Variants in PROCA1 observed in about 807,000 individuals in gnomAD.
PROCA1 encodes the protein protein interacting with cyclin A1, also known as protein PROCA1.
PROCA1 carries 22 observed loss-of-function variants against 23.2 expected under a neutral mutation model. The observed-to-expected ratio is 0.95, with a 90% CI of 0.68 to 1.35. The LOEUF (loss-of-function observed/expected upper bound fraction) is 1.35. Among genes scored for constraint, PROCA1 ranks in the 40% most tolerant of loss-of-function variants. PROCA1 has a pLI of 0.00. For synonymous variants in PROCA1, 182 were observed against 179.2 expected, an observed-to-expected ratio of 1.02 and a Z score of -0.12; for missense variants, 469 against 459.8, an observed-to-expected ratio of 1.02 and a Z score of -0.18.
intron 1 of PROCA1, among the ~76,000 whole-genome samples, chr17:28,708,375 C>T (rs2032622197): frequency 6.6e-6 from 1 of 152,200 alleles, no homozygotes; most frequent in South Asian, 2.1e-4. Flanking sequence ...TGGCAGACCT[C>T]ATCTTTCTCT....
chr17:28,709,930 T>G (rs2032701102), intron 1 of PROCA1, among the ~76,000 whole-genome samples: 1 of 151,834 alleles, frequency 6.6e-6, no homozygotes, highest in African/African-American at 2.4e-5. Flanking sequence ...CCCAGAAGTG[T>G]AGGTTGCAGT....
chr17:28,703,674 A>G lies in PROCA1; in HGVS notation c.979T>C (p.Ser327Pro). Residue 327 changes from serine (S) to proline (P), a missense_variant, in exon 5 of 5, where the codon TCG (serine) becomes CCG (proline). By Grantham distance (74) the Ser-to-Pro change is moderately conservative. Coordinates refer to ENST00000682792, the MANE Select transcript of PROCA1 (RefSeq NM_001366301.1). ...ACTGTGTTCTCTCTCTTCCTGGGCGATGATGATTCCACAATATCCTCGCTG... is the reference window on the plus strand; with the variant it reads ...ACTGTGTTCTCTCTCTTCCTGGGCGGTGATGATTCCACAATATCCTCGCTG... ...LSSEDIVESS[S>P]PRKRENTVQA... is the part of the protein sequence containing the mutation. The G allele has an allele frequency of 6.2e-7, 1 of 1,614,074 alleles. No individual in the cohort carries two copies. The highest frequency in any genetic ancestry group is 1.3e-5 in the African/African-American group (1 of 74,992).
chr17:28,708,095 C>T (rs774153394), intron 1 of PROCA1, among the ~76,000 whole-genome samples: 3 of 152,014 alleles, frequency 2.0e-5, no homozygotes, highest in Non-Finnish European at 1.5e-5. Context: ...CTGCACCCTC[C>T]GCCTCCCGGG....
rs151196634 is a variant in PROCA1, at chr17:28,703,927, T to C, written c.726A>G (p.Lys242=). The change falls in exon 5 of 5, where the codon AAA becomes AAG. Residue 242 remains lysine (K), a synonymous_variant. Transcript: ENST00000682792. The stretch of plus-strand genomic sequence containing the variant: ...CATCCATCTCCTCCTTGTCTTTCTC[T>C]TTTTCCTTTTTCTTCTTTACCTTCT... ...VIKKVKKKKE[K]EKDKEEMDEK... 916 of 1,613,578 alleles carry C rather than the reference T, an allele frequency of 5.7e-4. 3 individuals carry two copies. The African/African-American group carries it at 0.011, about 19-fold the overall frequency.
intron 1 of PROCA1, among the ~76,000 whole-genome samples, chr17:28,710,506 CA>C (rs71278535): frequency 0.039 from 1,189 of 30,756 alleles, 7 homozygotes; most frequent in African/African-American, 0.12. Flanking sequence ...GATTCCATCT[CA>C]AAAAAAAAAA....
intron 1 of PROCA1, chr17:28,711,332 G>C (rs2032771306): frequency 3.6e-6 from 2 of 560,996 alleles, no homozygotes; most frequent in Non-Finnish European, 5.9e-6. Context: ...CATCCCGCGG[G>C]CGACCCAGCA....
chr17:28,711,017 G>GGAGTAGGGCGGGACGGGAGGGAAGAA, intron 1 of PROCA1: 1 of 1,202,688 alleles, frequency 8.3e-7, no homozygotes, highest in Non-Finnish European at 1.1e-6. Flanking sequence ...AGGGAGGGAA[G>GGAGTAGGGCGGGACGGGAGGGAAGAA]AAACTAGGAG....
chr17:28,707,035 A>G, intron 1 of PROCA1: 1 of 337,574 alleles, frequency 3.0e-6, no homozygotes, highest in Non-Finnish European at 5.9e-6. Flanking sequence ...GCACAGGACA[A>G]GGGCCACCTA....
rs1219411299 is a variant in PROCA1 at position 28,704,438 on chromosome 17, G to A, written c.312-3C>T. ...TATCCTCTGAAGAGTCCTTCAGCCT[G>A]CCACACATGGGACTCTCAGCCTGGC... On this transcript the variant is annotated splice_polypyrimidine_tract_variant and splice_region_variant and intron_variant, in intron 3 of 4. Coordinates refer to ENST00000682792, the MANE Select transcript of PROCA1 (RefSeq NM_001366301.1). 1 of 1,610,136 alleles carries A rather than the reference G, an allele frequency of 6.2e-7. No homozygotes were observed. The highest frequency in any genetic ancestry group is 8.5e-7 in the Non-Finnish European group (1 of 1,178,304).
At position 28,711,473 on chromosome 17, in the gene PROCA1, C is replaced by A. The variant is rs908339593; in HGVS notation, c.91+97G>T. The A allele has an allele frequency of 1.9e-4, 194 of 1,016,684 alleles. 1 individual carries two copies. In the South Asian group the frequency reaches 2.2e-3, roughly 11 times the overall value. 63.0% of individuals were successfully genotyped at this position (1,016,684 alleles called of 1,614,324 possible). A position where few individuals can be genotyped will look rare whatever the true frequency, so the allele number is the denominator to read the frequency against. On this transcript the variant is annotated intron_variant, in intron 1 of 4. Coordinates refer to ENST00000682792, the MANE Select transcript of PROCA1 (RefSeq NM_001366301.1). Reference sequence around the variant, plus strand: ...GCCCCGCCTCTCTCGTTGGTTTGCCCGTCTCCCTCGTCGGTTTGCCGGCTT... The same window carrying A: ...GCCCCGCCTCTCTCGTTGGTTTGCCAGTCTCCCTCGTCGGTTTGCCGGCTT...
At chr17:28,711,340 G>C (rs1318724989) in intron 1 of PROCA1, 1 of 564,200 alleles carries the variant, frequency 1.8e-6, no homozygotes, top group Non-Finnish European at 2.9e-6. Flanking sequence ...GGGCGACCCA[G>C]CAGGGCCTCA....
chr17:28,711,695 C>CT lies in PROCA1; in HGVS notation c.-36dup. ...CCCAGGTCTTCGTCTCTACAGGACT[C>CT]TTGCGTGAAGTCCAACCCTGAGCCT... On this transcript the variant is annotated 5_prime_UTR_variant, in exon 1 of 5. Transcript: ENST00000682792. The CT allele has an allele frequency of 3.1e-6, 5 of 1,591,440 alleles. No homozygotes were observed. The highest frequency in any genetic ancestry group is 3.4e-6 in the Non-Finnish European group (4 of 1,165,858).
Position 28,703,973 on chromosome 17 carries a change from C to G in PROCA1, c.680G>C (p.Gly227Ala), listed in dbSNP as rs1446936505. 5.6e-6 allele frequency: 9 copies of G among 1,610,618 alleles called. No homozygotes were observed. In the Admixed American group the frequency reaches 1.3e-4, roughly 24 times the overall value. The part of the protein sequence containing the change: ...IWRSESPTGK[G>A]QGSKVIKKVK... ...CTTCTTGATCACCTTGCTGCCCTGA[C>G]CCTTCCCTGTGGGGCTCTCAGAGCG... Residue 227 changes from glycine to alanine, a missense_variant, in exon 5 of 5, where the codon GGT becomes GCT. Physicochemically the swap from Gly to Ala is moderately conservative, Grantham distance 60. Coordinates refer to ENST00000682792, the MANE Select transcript of PROCA1 (RefSeq NM_001366301.1).
intron 1 of PROCA1, chr17:28,710,821 T>C: frequency 7.7e-7 from 1 of 1,304,168 alleles, no homozygotes; most frequent in Non-Finnish European, 1.0e-6. Flanking sequence ...TTATGGCGTC[T>C]TTCCCCGTGA....
rs749822142 is a variant in PROCA1 at position 28,704,445 on chromosome 17, A to G, written c.312-10T>C. 42 of 1,608,612 alleles carry G rather than the reference A, an allele frequency of 2.6e-5. No homozygotes were observed. The highest frequency in any genetic ancestry group is 2.0e-4 in the Middle Eastern group (1 of 5,104). ...TGAAGAGTCCTTCAGCCTGCCACAC[A>G]TGGGACTCTCAGCCTGGCTCCCATC... On this transcript the variant is annotated splice_polypyrimidine_tract_variant and intron_variant, in intron 3 of 4. Transcript: ENST00000682792.
Position 28,711,738 on chromosome 17 carries a change from C to T in PROCA1, c.-78G>A. The T allele has an allele frequency of 3.0e-6, 4 of 1,322,354 alleles. No homozygotes were observed. The South Asian group carries it at 4.2e-5, about 14-fold the overall frequency. The allele number at this position is 1,322,354 out of a possible 1,614,324, so 81.9% of individuals were successfully genotyped here. ...CTGAGCCTCAGCCCGGCCGAGCCCT[C>T]GGCCCAGCCGTGAACTCCAGTCTCG... On this transcript the variant is annotated 5_prime_UTR_variant, in exon 1 of 5. Coordinates refer to ENST00000682792, the MANE Select transcript of PROCA1 (RefSeq NM_001366301.1).
At chr17:28,710,378 G>A (rs947412243) in intron 1 of PROCA1, among the ~76,000 whole-genome samples, 33 of 151,768 alleles carry the variant, frequency 2.2e-4, no homozygotes, top group African/African-American at 7.0e-4. Context: ...GTGGTGGCGC[G>A]CGCCTGTAAT....
At position 28,704,738 on chromosome 17, in the gene PROCA1, T is replaced by TG; in HGVS notation, c.280dup (p.His94ProfsTer9). 6.2e-7 allele frequency: 1 copy of TG among 1,613,898 alleles called. No individual in the cohort carries two copies. The highest frequency in any genetic ancestry group is 8.5e-7 in the Non-Finnish European group (1 of 1,179,934). ...ATTACAGTTGCAGTGGTTGACAGAG[T>TG]GTAGGTGCAGGCTGTGGCGGACACA... On this transcript the variant is annotated frameshift_variant, in exon 3 of 5. Transcript: ENST00000682792. LOFTEE classifies it high-confidence loss of function.
intron 1 of PROCA1, chr17:28,710,906 T>C (rs2032747774): frequency 1.5e-6 from 2 of 1,294,076 alleles, no homozygotes; most frequent in Admixed American, 2.4e-5. Flanking sequence ...CTCCCCGTCC[T>C]GCGGGGCCGA....
Sources: allele counts gnomAD v4.1 joint callset (sites outside exome capture counted in the v4.1 genomes callset), GRCh38; gene constraint gnomAD v4.1.1; transcripts MANE v1.5; gene names NCBI Gene and HGNC (gene_info 2026-07-23, HGNC 2026-07-21).